The following PLEKHA1 variants were observed in gnomAD, a reference collection of about 807,000 sequenced individuals.
The protein encoded by PLEKHA1 is pleckstrin homology domain containing A1.
In PLEKHA1, 34 loss-of-function variants were observed where a neutral mutation model predicts 52.0. The observed-to-expected ratio is 0.65, with a 90% CI of 0.50 to 0.87. The LOEUF (loss-of-function observed/expected upper bound fraction) is 0.87, where lower values mean the gene tolerates loss of function less well. Ranked by LOEUF, PLEKHA1 falls within the 40% of genes least tolerant of loss-of-function variation. The pLI is 0.00. For synonymous variants in PLEKHA1, 163 were observed against 170.7 expected (o/e 0.95, Z 0.35); for missense variants, 497 against 504.2 (o/e 0.99, Z 0.14).
intron 10 of PLEKHA1, chr10:122,425,262 T>A (rs1373709924): frequency 9.0e-6 from 2 of 221,422 alleles, no homozygotes; most frequent in African/African-American, 4.5e-5. Flanking sequence ...GTTTTAGAAT[T>A]TTGATTTTTC....
rs1590450823 is a variant in PLEKHA1 at position 122,396,894 on chromosome 10, T to TATA, written c.142-1024_142-1023insATA. On this transcript the variant is annotated intron_variant, in intron 2 of 11. Coordinates refer to ENST00000368990, the MANE Select transcript of PLEKHA1 (RefSeq NM_001001974.4). ...CTCTATCTTCCTCTTCTATAATCCC[T>TATA]TCAGTTTATTATAAGATATATTATA... Among the ~76,000 whole-genome samples, 7 of 152,210 alleles carry TATA rather than the reference T, an allele frequency of 4.6e-5. No individual in the cohort carries two copies. In the South Asian group the frequency reaches 8.3e-4, roughly 18 times the overall value.
At chr10:122,411,604 G>A (rs1440951507) in intron 5 of PLEKHA1, among the ~76,000 whole-genome samples, 1 of 152,098 alleles carries the variant, frequency 6.6e-6, no homozygotes, top group Non-Finnish European at 1.5e-5. Flanking sequence ...CAGGTTTTTG[G>A]GCTGCACTAT....
downstream of PLEKHA1, chr10:122,433,441 TAG>T (rs1231818178): frequency 2.6e-5 from 4 of 152,256 alleles, no homozygotes; most frequent in African/African-American, 9.6e-5. Context: ...AGGGTGTAGC[TAG>T]AGTAATCCAG....
Position 122,430,407 on chromosome 10 carries a change from T to C in PLEKHA1, c.*469T>C, listed in dbSNP as rs2097406406. Reference sequence around the variant, plus strand: ...CAGACCAAGATACCTAAACTCATGATGTCTGTGGTGCTGTAAAATTTATAC... The same window carrying C: ...CAGACCAAGATACCTAAACTCATGACGTCTGTGGTGCTGTAAAATTTATAC... On this transcript the variant is annotated 3_prime_UTR_variant, in exon 12 of 12. Coordinates refer to ENST00000368990, the MANE Select transcript of PLEKHA1 (RefSeq NM_001001974.4). 6.4e-6 allele frequency: 1 copy of C among 155,752 alleles called. No individual in the cohort carries two copies. Among genetic ancestry groups the C allele is most frequent in the African/African-American group, 2.4e-5 (1 of 41,490 alleles). 9.6% of individuals were successfully genotyped at this position (155,752 alleles called of 1,614,324 possible). A position where few individuals can be genotyped will look rare whatever the true frequency, so the allele number is the denominator to read the frequency against.
intron 1 of PLEKHA1, among the ~76,000 whole-genome samples, chr10:122,377,872 G>A (rs1459055371): frequency 1.3e-5 from 2 of 152,110 alleles, no homozygotes; most frequent in Non-Finnish European, 2.9e-5. Flanking sequence ...GGGTTTTTGG[G>A]ATTTTATAAG....
chr10:122,414,764 C>G (rs1590765589), intron 6 of PLEKHA1, among the ~76,000 whole-genome samples: 1 of 152,142 alleles, frequency 6.6e-6, no homozygotes, highest in South Asian at 2.1e-4. Flanking sequence ...CTGCACACCT[C>G]TCAGAATGGC....
At chr10:122,429,497 TG>T in intron 11 of PLEKHA1, 126 bp from the exon 12 acceptor site, 1 of 148,912 alleles carries the variant, frequency 6.7e-6, no homozygotes, top group Non-Finnish European at 9.3e-6. Flanking sequence ...GCTGCCTTTG[TG>T]TGTGTGTGTG....
At chr10:122,424,983 A>G (rs544169520) in intron 10 of PLEKHA1, 24 bp downstream of exon 10, 13 of 1,574,538 alleles carry the variant, frequency 8.3e-6, no homozygotes, top group South Asian at 2.3e-5. Flanking sequence ...TTGGCAATTA[A>G]TAGATCCTCC....
At chr10:122,400,827 A>G (rs982808465) in intron 4 of PLEKHA1, among the ~76,000 whole-genome samples, 1 of 152,218 alleles carries the variant, frequency 6.6e-6, no homozygotes, top group Non-Finnish European at 1.5e-5. Context: ...TGTTTAGTAT[A>G]TGCCAGGCAC....
At chr10:122,437,112 G>A (rs1455155307), downstream of PLEKHA1, 6 of 151,006 alleles carry the variant, frequency 4.0e-5, no homozygotes, top group South Asian at 6.3e-4. Flanking sequence ...TCCCAATGGC[G>A]TCTGTTTCTT....
intron 1 of PLEKHA1, among the ~76,000 whole-genome samples, chr10:122,385,220 A>G (rs2096672053): frequency 6.6e-6 from 1 of 151,844 alleles, no homozygotes; most frequent in Non-Finnish European, 1.5e-5. Flanking sequence ...ATAGAAATAT[A>G]ATTATTTCTA....
chr10:122,395,862 G>A (rs1470463226), intron 2 of PLEKHA1, among the ~76,000 whole-genome samples: 1 of 152,098 alleles, frequency 6.6e-6, no homozygotes, highest in Admixed American at 6.6e-5. Flanking sequence ...TTAAGTTGCT[G>A]TACGAGGGAG....
chr10:122,375,348 C>G (rs183642835), intron 1 of PLEKHA1, among the ~76,000 whole-genome samples: 2,425 of 152,334 alleles, frequency 0.016, 30 homozygotes, highest in Non-Finnish European at 0.025. Flanking sequence ...CAGGACTTGC[C>G]GAGGCCGAAG....
chr10:122,432,752 C>G (rs903821402), downstream of PLEKHA1: 6 of 152,116 alleles, frequency 3.9e-5, no homozygotes, highest in African/African-American at 1.4e-4. Context: ...GAGATGCACT[C>G]AAAAAACTAT....
At chr10:122,428,540 T>C (rs2097372810) in intron 11 of PLEKHA1, 1 of 897,836 alleles carries the variant, frequency 1.1e-6, no homozygotes, top group Non-Finnish European at 1.5e-6. Flanking sequence ...AAATAAAACA[T>C]ACAACTTTAC....
intron 1 of PLEKHA1, among the ~76,000 whole-genome samples, chr10:122,379,337 C>T (rs982629848): frequency 6.6e-6 from 1 of 152,198 alleles, no homozygotes; most frequent in African/African-American, 2.4e-5. Context: ...CTTGTGATGT[C>T]GAATAGTGGC....
the PLEKHA1 span, chr10:122,440,816 G>A: frequency 6.6e-6 from 1 of 152,152 alleles, no homozygotes; most frequent in East Asian, 1.9e-4. Flanking sequence ...AATAAGACAA[G>A]CAAAATGCAA....
Position 122,429,978 on chromosome 10 carries a change from A to G in PLEKHA1, c.*40A>G. ...GAGCCTGCCTGCCTCTGCCGTCCTC[A>G]GTTTCCTTTCATGAGGCTTCTAGCC... is the stretch of plus-strand genomic sequence containing the variant. On this transcript the variant is annotated 3_prime_UTR_variant, in exon 12 of 12. Transcript: ENST00000368990. The G allele has an allele frequency of 6.4e-7, 1 of 1,560,974 alleles. No homozygotes were observed. Among genetic ancestry groups the G allele is most frequent in the Non-Finnish European group, 8.7e-7 (1 of 1,156,048 alleles).
rs758904148 is a variant in PLEKHA1, at chr10:122,424,171, G to GTTTCT, written c.682-25_682-24insCTTTT. ...TTTTAAGAATAAACATCATGTAACT[G>GTTTCT]TTTTTTTTTTTTTTTTTTTTTTGCC... On this transcript the variant is annotated intron_variant, in intron 8 of 11. Coordinates refer to ENST00000368990, the MANE Select transcript of PLEKHA1 (RefSeq NM_001001974.4). 2.5e-4 allele frequency: 236 copies of GTTTCT among 955,360 alleles called. 3 individuals are homozygous for GTTTCT. The highest frequency in any genetic ancestry group is 8.9e-4 in the South Asian group (43 of 48,128). The allele number at this position is 955,360 out of a possible 1,614,324, so 59.2% of individuals were successfully genotyped here. A position where few individuals can be genotyped will look rare whatever the true frequency, so the allele number is the denominator to read the frequency against.
Sources: allele counts gnomAD v4.1 joint callset (sites outside exome capture counted in the v4.1 genomes callset), GRCh38; gene constraint gnomAD v4.1.1; transcripts MANE v1.5; gene names NCBI Gene and HGNC (gene_info 2026-07-23, HGNC 2026-07-21).